Variants in GLYATL2 observed in about 807,000 individuals in gnomAD.
GLYATL2 encodes the protein glycine-N-acyltransferase like 2.
In GLYATL2, 25 loss-of-function variants were observed where a neutral mutation model predicts 21.4. The observed-to-expected ratio is 1.17, with a 90% CI of 0.85 to 1.63. GLYATL2 has a LOEUF of 1.63. Among genes scored for constraint, GLYATL2 ranks in the 40% most tolerant of loss-of-function variants. The pLI is 0.00. For synonymous variants in GLYATL2, 114 were observed against 118.2 expected (o/e 0.96, Z 0.23); for missense variants, 361 against 343.3 (o/e 1.05, Z -0.41).
At chr11:58,897,361 G>A (rs1854652183) in intron 1 of GLYATL2, among the ~76,000 whole-genome samples, 1 of 152,150 alleles carries the variant, frequency 6.6e-6, no homozygotes, top group South Asian at 2.1e-4. Flanking sequence ...TGCATGCCCA[G>A]GGGTGAAATT....
intron 1 of GLYATL2, among the ~76,000 whole-genome samples, chr11:58,881,258 A>G (rs1353585330): frequency 6.6e-6 from 1 of 152,216 alleles, no homozygotes; most frequent in Non-Finnish European, 1.5e-5. Flanking sequence ...AAACACTTTG[A>G]GGTTCTGATT....
chr11:58,837,657 C>T (rs1033335693), intron 3 of GLYATL2, among the ~76,000 whole-genome samples: 1 of 152,124 alleles, frequency 6.6e-6, no homozygotes, highest in African/African-American at 2.4e-5. Flanking sequence ...GAAGTGTACC[C>T]TAAATGGTGT....
chr11:58,844,330 G>T (rs1389159091), intron 1 of GLYATL2, 104 bp downstream of exon 1: 1 of 152,148 alleles, frequency 6.6e-6, no homozygotes, highest in Non-Finnish European at 1.5e-5. Flanking sequence ...CCAAGGGTTT[G>T]CAGGGGAAAA....
chr11:58,901,106 G>A (rs950430558), intron 1 of GLYATL2, among the ~76,000 whole-genome samples: 1 of 152,166 alleles, frequency 6.6e-6, no homozygotes, highest in South Asian at 2.1e-4. Context: ...TGCTAAAAGG[G>A]GGCTGCCTGC....
At chr11:58,895,400 T>C (rs1361394829) in intron 1 of GLYATL2, among the ~76,000 whole-genome samples, 1 of 152,180 alleles carries the variant, frequency 6.6e-6, no homozygotes, top group Non-Finnish European at 1.5e-5. Flanking sequence ...ATAACAAAAT[T>C]TCATAGACTG....
intron 1 of GLYATL2, among the ~76,000 whole-genome samples, chr11:58,899,072 T>G (rs898051162): frequency 6.6e-6 from 1 of 152,116 alleles, no homozygotes; most frequent in Non-Finnish European, 1.5e-5. Flanking sequence ...ATAAGGAAAC[T>G]GAGGTGCAAA....
upstream of GLYATL2, chr11:58,844,866 T>C (rs1233236916): frequency 6.6e-6 from 1 of 152,212 alleles, no homozygotes; most frequent in Non-Finnish European, 1.5e-5. Flanking sequence ...GAAAGTTTGA[T>C]TTCAATGCAA....
chr11:58,856,997 T>G (rs1020187314), intron 1 of GLYATL2, among the ~76,000 whole-genome samples: 1 of 152,192 alleles, frequency 6.6e-6, no homozygotes, highest in Non-Finnish European at 1.5e-5. Context: ...TGCAATAAAA[T>G]AAGGTGTGCC....
chr11:58,861,162 A>G (rs972244359), intron 1 of GLYATL2, among the ~76,000 whole-genome samples: 5 of 152,056 alleles, frequency 3.3e-5, no homozygotes, highest in African/African-American at 1.2e-4. Flanking sequence ...TTTTAGAAAG[A>G]TTGACATTAG....
At position 58,838,303 on chromosome 11, in the gene GLYATL2, G is replaced by A. The variant is rs1383082402; in HGVS notation, c.144C>T (p.Ala48=). ...NPFNMEVLVD[A]WPDYQIVITR... is the part of the protein sequence containing the mutation. ...TAATGACGATCTGGTAATCTGGCCA[G>A]GCATCTACCAGCACCTCCATGTTGA... Residue 48 remains alanine, a synonymous_variant, in exon 3 of 6, where the codon GCC becomes GCT. Transcript: ENST00000287275. 6.2e-7 allele frequency: 1 copy of A among 1,613,360 alleles called. No homozygotes were observed. Among genetic ancestry groups the A allele is most frequent in the Non-Finnish European group, 8.5e-7 (1 of 1,179,452 alleles).
At chr11:58,841,200 T>C (rs12576002) in intron 1 of GLYATL2, among the ~76,000 whole-genome samples, 4,301 of 152,288 alleles carry the variant, frequency 0.028, 174 homozygotes, top group East Asian at 0.21. Flanking sequence ...GAAAACTCAG[T>C]AAATATGACA....
rs752790310 is a variant in GLYATL2, at chr11:58,893,857, G to A, written n.60+10299C>T. Among the ~76,000 whole-genome samples the A allele has an allele frequency of 8.7e-4, 132 of 152,206 alleles. No individual in the cohort carries two copies. In the Middle Eastern group the frequency reaches 0.017, roughly 20 times the overall value. ...CAATAAAGTACACCTAATCTATATG[G>A]ATACTTTATTTTAAATAAATACCCC... On this transcript the variant is annotated intron_variant and non_coding_transcript_variant, in intron 1 of 4. Transcript: ENST00000533636.
intron 1 of GLYATL2, among the ~76,000 whole-genome samples, chr11:58,873,556 G>A (rs888023463): frequency 6.6e-6 from 1 of 152,154 alleles, no homozygotes; most frequent in Non-Finnish European, 1.5e-5. Context: ...TGTGATTTTT[G>A]TCTTTGGTTC....
intron 2 of GLYATL2, among the ~76,000 whole-genome samples, chr11:58,839,221 G>A (rs1263642281): frequency 6.6e-6 from 1 of 152,134 alleles, no homozygotes; most frequent in Non-Finnish European, 1.5e-5. Flanking sequence ...GACCCTATAT[G>A]TGTCATATAG....
Position 58,840,408 on chromosome 11 carries a change from A to G in GLYATL2, c.-40-756T>C, listed in dbSNP as rs1280466959. The stretch of plus-strand genomic sequence containing the variant: ...ATACAAAATTCATTATGAAGAAATG[A>G]TCAAGTTAATGATGGTGTATCCAAA... On this transcript the variant is annotated intron_variant, in intron 1 of 5. Transcript: ENST00000287275. Among the ~76,000 whole-genome samples, 4 of 152,190 alleles carry G rather than the reference A, an allele frequency of 2.6e-5. No individual in the cohort carries two copies. In the East Asian group the frequency reaches 7.7e-4, roughly 29 times the overall value.
chr11:58,864,939 T>C (rs1441316333), intron 1 of GLYATL2, among the ~76,000 whole-genome samples: 1 of 148,922 alleles, frequency 6.7e-6, no homozygotes, highest in South Asian at 2.1e-4. Flanking sequence ...AGATCTTATG[T>C]TAAGTGATCT....
chr11:58,907,579 C>CTA (rs1041803350), upstream of GLYATL2: 2 of 347,152 alleles, frequency 5.8e-6, no homozygotes, highest in Admixed American at 3.8e-5. Flanking sequence ...ATGTTCCTGA[C>CTA]TACTAGTTCT....
At chr11:58,879,952 G>T (rs778459066) in intron 1 of GLYATL2, among the ~76,000 whole-genome samples, 1 of 151,190 alleles carries the variant, frequency 6.6e-6, no homozygotes, top group Non-Finnish European at 1.5e-5. Context: ...TCCGCCTCCC[G>T]GGCTCATGCC....
intron 1 of GLYATL2, among the ~76,000 whole-genome samples, chr11:58,883,348 A>G (rs1208389062): frequency 1.3e-5 from 2 of 152,258 alleles, no homozygotes; most frequent in Non-Finnish European, 2.9e-5. Context: ...AAAAGAAAGA[A>G]GAATCAAATA....
Sources: allele counts gnomAD v4.1 joint callset (sites outside exome capture counted in the v4.1 genomes callset), GRCh38; gene constraint gnomAD v4.1.1; transcripts MANE v1.5; gene names NCBI Gene and HGNC (gene_info 2026-07-23, HGNC 2026-07-21).